CNTNAP2: variants seen among roughly 807,000 people sequenced by gnomAD.
CNTNAP2 encodes contactin associated protein 2.
CNTNAP2 carries 98 observed loss-of-function variants against 155.2 expected under a neutral mutation model. The observed-to-expected ratio is 0.63, with a 90% CI of 0.54 to 0.75. CNTNAP2 has a LOEUF of 0.75. CNTNAP2 is among the 30% of genes least tolerant of loss of function. The pLI is 0.00. For synonymous variants in CNTNAP2, 651 were observed against 631.2 expected, an observed-to-expected ratio of 1.03 and a Z score of -0.47; for missense variants, 1,727 against 1,688.1, an observed-to-expected ratio of 1.02 and a Z score of -0.40.
intron 13 of CNTNAP2, among the ~76,000 whole-genome samples, chr7:147,861,006 T>C (rs1043847918): frequency 4.6e-5 from 7 of 152,178 alleles, no homozygotes; most frequent in African/African-American, 1.4e-4. Context: ...CAATTACAGC[T>C]TTTTTTCACT....
At chr7:146,168,511 G>A (rs564626215) in intron 1 of CNTNAP2, among the ~76,000 whole-genome samples, 1 of 152,182 alleles carries the variant, frequency 6.6e-6, no homozygotes, top group African/African-American at 2.4e-5. Flanking sequence ...GCCCCTGTAT[G>A]TACCATCCTT....
intron 8 of CNTNAP2, among the ~76,000 whole-genome samples, chr7:147,190,881 A>G (rs1802666265): frequency 6.6e-6 from 1 of 152,206 alleles, no homozygotes; most frequent in South Asian, 2.1e-4. Context: ...ATCTCAGAAG[A>G]CAGGAAAATG....
chr7:148,362,969 A>G (rs968592437), intron 21 of CNTNAP2, among the ~76,000 whole-genome samples: 2 of 151,604 alleles, frequency 1.3e-5, no homozygotes, highest in Non-Finnish European at 2.9e-5. Flanking sequence ...AATAGATTGC[A>G]TCAGATATTC....
chr7:146,584,478 G>A (rs146372132), intron 1 of CNTNAP2, among the ~76,000 whole-genome samples: 54 of 152,318 alleles, frequency 3.5e-4, no homozygotes, highest in Non-Finnish European at 6.6e-4. Flanking sequence ...TGGGGAAACA[G>A]TCATGATTGA....
intron 1 of CNTNAP2, among the ~76,000 whole-genome samples, chr7:146,224,130 T>C (rs929138127): frequency 6.6e-6 from 1 of 152,146 alleles, no homozygotes; most frequent in African/African-American, 2.4e-5. Flanking sequence ...CTTTCACCAG[T>C]TAGGAAATGC....
intron 1 of CNTNAP2, among the ~76,000 whole-genome samples, chr7:146,738,254 G>A (rs767833688): frequency 2.0e-5 from 3 of 151,858 alleles, no homozygotes; most frequent in African/African-American, 4.8e-5. Flanking sequence ...GCATTTATCT[G>A]ATAATAGTGA....
intron 12 of CNTNAP2, among the ~76,000 whole-genome samples, chr7:147,599,433 A>C (rs1183995930): frequency 6.6e-6 from 1 of 151,562 alleles, no homozygotes; most frequent in African/African-American, 2.4e-5. Flanking sequence ...CGGTAAGCCA[A>C]GATGGCACCA....
chr7:147,059,620 T>C (rs1388849508), intron 4 of CNTNAP2, among the ~76,000 whole-genome samples: 1 of 152,154 alleles, frequency 6.6e-6, no homozygotes, highest in African/African-American at 2.4e-5. Context: ...ACTAGCTTGA[T>C]TCAGAACTAT....
chr7:147,300,759 G>A (rs577144620), intron 9 of CNTNAP2, among the ~76,000 whole-genome samples: 2 of 152,190 alleles, frequency 1.3e-5, no homozygotes, highest in East Asian at 3.9e-4. Context: ...TGGAAGCCTC[G>A]TCTGCTTCCG....
At chr7:148,317,895 A>G (rs541335837) in intron 21 of CNTNAP2, among the ~76,000 whole-genome samples, 6 of 152,038 alleles carry the variant, frequency 3.9e-5, no homozygotes, top group Non-Finnish European at 8.8e-5. Flanking sequence ...GGGATTCACC[A>G]TGGTCTCAAT....
At chr7:147,513,972 G>T (rs1394942936) in intron 11 of CNTNAP2, among the ~76,000 whole-genome samples, 1 of 152,106 alleles carries the variant, frequency 6.6e-6, no homozygotes, top group Non-Finnish European at 1.5e-5. Flanking sequence ...ACCACCACAT[G>T]GTCCTTTCAC....
intron 1 of CNTNAP2, among the ~76,000 whole-genome samples, chr7:146,532,110 T>A (rs1296365872): frequency 6.6e-6 from 1 of 152,008 alleles, no homozygotes; most frequent in Non-Finnish European, 1.5e-5. Context: ...ATATTTACAA[T>A]TCAAAAAAGT....
intron 1 of CNTNAP2, among the ~76,000 whole-genome samples, chr7:146,232,660 G>C (rs1387592685): frequency 6.6e-6 from 1 of 152,066 alleles, no homozygotes; most frequent in African/African-American, 2.4e-5. Flanking sequence ...AGACTTGTTT[G>C]AAAACTATTC....
At chr7:146,684,620 A>G (rs1344881076) in intron 1 of CNTNAP2, among the ~76,000 whole-genome samples, 1 of 143,384 alleles carries the variant, frequency 7.0e-6, no homozygotes, top group East Asian at 2.2e-4. Context: ...AACAGCTTCG[A>G]GCAATAATAG....
chr7:146,995,892 A>AT (rs1174031051), intron 3 of CNTNAP2, among the ~76,000 whole-genome samples: 1 of 151,880 alleles, frequency 6.6e-6, no homozygotes. Context: ...CCACTTGTCT[A>AT]TTTTTTTGCA....
chr7:147,749,854 G>A (rs184924870), intron 13 of CNTNAP2, among the ~76,000 whole-genome samples: 90 of 152,186 alleles, frequency 5.9e-4, no homozygotes, highest in Non-Finnish European at 1.0e-3. Context: ...ATTTCATCTG[G>A]CAATTGAAGA....
chr7:148,409,284 T>C lies in CNTNAP2; in HGVS notation c.3716-107T>C, dbSNP rs556475473. 3.3e-3 allele frequency: 2,979 copies of C among 889,396 alleles called. 10 individuals carry two copies. Among genetic ancestry groups the C allele is most frequent in the Non-Finnish European group, 4.6e-3 (2,490 of 538,030 alleles). 55.1% of individuals were successfully genotyped at this position (889,396 alleles called of 1,614,324 possible). A position where few individuals can be genotyped will look rare whatever the true frequency, so the allele number is the denominator to read the frequency against. ...GGTCCATCTGAAATGGAGATTTCAT[T>C]TGGGAAAACAGGAAGTGTTGAAGAG... On this transcript the variant is annotated intron_variant, in intron 22 of 23. Coordinates refer to ENST00000361727, the MANE Select transcript of CNTNAP2 (RefSeq NM_014141.6).
intron 1 of CNTNAP2, among the ~76,000 whole-genome samples, chr7:146,400,282 G>C (rs1178331294): frequency 6.6e-6 from 1 of 150,888 alleles, no homozygotes; most frequent in African/African-American, 2.4e-5. Flanking sequence ...AAAAAAATAT[G>C]AAAAAAAGGA....
intron 1 of CNTNAP2, chr7:146,311,618 A>G (rs1158393626): frequency 6.7e-6 from 1 of 149,662 alleles, no homozygotes; most frequent in Admixed American, 6.7e-5. Flanking sequence ...AAAAAAAAAA[A>G]AAAAAAAAAA....
Sources: gnomAD v4.1 joint callset for allele counts (sites outside exome capture counted in the v4.1 genomes callset) on GRCh38, gnomAD v4.1.1 for gene constraint, MANE v1.5 for transcripts, NCBI Gene and HGNC (gene_info 2026-07-23, HGNC 2026-07-21) for gene names.